LRP2: variants seen among roughly 807,000 people sequenced by gnomAD.
The protein encoded by LRP2 is low-density lipoprotein receptor-related protein 2.
A neutral mutation model predicts 531.0 loss-of-function variants in LRP2; 172 were observed. That is an observed-to-expected ratio of 0.32 (90% CI 0.29 to 0.37). LRP2 has a LOEUF of 0.37. Among genes scored for constraint, LRP2 ranks in the 10% least tolerant of loss-of-function variants. The probability of loss-of-function intolerance (pLI) is 1.00; values close to 1 mark genes in which losing one functional copy is unlikely to be tolerated. For synonymous variants in LRP2, 1,992 were observed against 2,027.6 expected, an observed-to-expected ratio of 0.98 and a Z score of 0.47; for missense variants, 5,167 against 5,868.3, an observed-to-expected ratio of 0.88 and a Z score of 3.90.
intron 5 of LRP2, 27 bp from the exon 6 acceptor site, chr2:169,294,288 G>T: frequency 7.5e-7 from 1 of 1,332,032 alleles, no homozygotes; most frequent in Non-Finnish European, 1.1e-6. Context: ...AGAAGGGAAA[G>T]AAAAGAGAGA....
intron 51 of LRP2, 115 bp downstream of exon 51, chr2:169,182,052 G>C: frequency 7.3e-7 from 1 of 1,374,524 alleles, no homozygotes; most frequent in South Asian, 1.2e-5. Context: ...AGGAAAAGCA[G>C]AAGACAAACC....
At chr2:169,263,367 A>G (rs1690651591) in intron 16 of LRP2, among the ~76,000 whole-genome samples, 1 of 152,006 alleles carries the variant, frequency 6.6e-6, no homozygotes, top group Non-Finnish European at 1.5e-5. Context: ...GCTAATATCC[A>G]GAATCTACAA....
chr2:169,151,699 A>C (rs534868392), intron 67 of LRP2, among the ~76,000 whole-genome samples: 2 of 152,312 alleles, frequency 1.3e-5, no homozygotes, highest in South Asian at 4.1e-4. Flanking sequence ...TCTCTTATTC[A>C]TTAAGGCTGA....
rs1040152767 is a variant in LRP2 at position 169,135,334 on chromosome 2, G to A, written c.13620+2058C>T. The stretch of plus-strand genomic sequence containing the variant: ...AATTGACTTTACTCACATGCCCCAA[G>A]TCAGGAAACTAAAATACCTCTTGGT... On this transcript the variant is annotated intron_variant, in intron 76 of 78. Transcript: ENST00000649046. Among the ~76,000 whole-genome samples the A allele has an allele frequency of 3.9e-5, 6 of 152,252 alleles. No homozygotes were observed. The East Asian group carries it at 9.6e-4, about 24-fold the overall frequency.
intron 8 of LRP2, 49 bp from the exon 9 acceptor site, chr2:169,289,194 G>A: frequency 1.9e-6 from 3 of 1,610,774 alleles, no homozygotes; most frequent in Non-Finnish European, 2.5e-6. Context: ...CTCTGGACAA[G>A]ACTGATTAAT....
chr2:169,155,717 A>G (rs1427027805), intron 65 of LRP2, among the ~76,000 whole-genome samples: 2 of 152,198 alleles, frequency 1.3e-5, no homozygotes, highest in Non-Finnish European at 2.9e-5. Context: ...ACTGGCATCA[A>G]CCTAAAACGT....
Position 169,154,550 on chromosome 2 carries a change from G to A in LRP2, c.12205C>T (p.Leu4069Phe). 1 of 1,613,386 alleles carries A rather than the reference G, an allele frequency of 6.2e-7. No individual in the cohort carries two copies. The highest frequency in any genetic ancestry group is 8.5e-7 in the Non-Finnish European group (1 of 1,179,430). Reference sequence around the variant, plus strand: ...TACTCTGAGAACCTCTCAGATGAGAGATTATATTTTCGAATTCGGACATTG... The same window carrying A: ...TACTCTGAGAACCTCTCAGATGAGAAATTATATTTTCGAATTCGGACATTG... Reference protein sequence around the residue: ...PDNVRIRKYNLSSERFSEYLQ... With the variant: ...PDNVRIRKYNFSSERFSEYLQ... Residue 4069 changes from leucine to phenylalanine, a missense_variant, in exon 66 of 79, where the codon CTC becomes TTC. Transcript: ENST00000649046.
chr2:169,161,091 A>G (rs1363485852), intron 63 of LRP2, among the ~76,000 whole-genome samples: 1 of 152,224 alleles, frequency 6.6e-6, no homozygotes, highest in Non-Finnish European at 1.5e-5. Context: ...TCCTGTGAGG[A>G]AACCAAAGAC....
intron 20 of LRP2, 49 bp downstream of exon 20, chr2:169,247,329 T>TA (rs767641816): frequency 6.2e-7 from 1 of 1,602,460 alleles, no homozygotes; most frequent in South Asian, 1.1e-5. Context: ...CTGTAACAAA[T>TA]AAATAAACCC....
chr2:169,299,960 A>G (rs1684245588), intron 4 of LRP2, among the ~76,000 whole-genome samples: 1 of 152,162 alleles, frequency 6.6e-6, no homozygotes, highest in Non-Finnish European at 1.5e-5. Flanking sequence ...CCTAGAAACC[A>G]GTTATTCTAC....
chr2:169,243,865 G>T (rs56377101), intron 22 of LRP2, among the ~76,000 whole-genome samples: 2 of 152,044 alleles, frequency 1.3e-5, no homozygotes, highest in Non-Finnish European at 2.9e-5. Flanking sequence ...AAGCAATGGA[G>T]CCCAATCAGG....
intron 3 of LRP2, among the ~76,000 whole-genome samples, chr2:169,313,978 C>T (rs1684689975): frequency 6.6e-6 from 1 of 152,170 alleles, no homozygotes; most frequent in Non-Finnish European, 1.5e-5. Context: ...ATCCGAGGCT[C>T]CCAGCCTACA....
chr2:169,242,940 G>C lies in LRP2; in HGVS notation c.3667+16C>G, dbSNP rs766703464. ...TGACCCCTTTGTCTGAAACATTCTG[G>C]GTATGTGTTACTTACGACAGCCTGC... On this transcript the variant is annotated intron_variant, in intron 24 of 78. Transcript: ENST00000649046. 6.4e-7 allele frequency: 1 copy of C among 1,565,358 alleles called. No homozygotes were observed. The highest frequency in any genetic ancestry group is 8.8e-7 in the Non-Finnish European group (1 of 1,136,336).
At chr2:169,141,293 A>T (rs1685710343) in intron 71 of LRP2, among the ~76,000 whole-genome samples, 1 of 152,170 alleles carries the variant, frequency 6.6e-6, no homozygotes, top group African/African-American at 2.4e-5. Context: ...TCTAAAGGAC[A>T]ATCCCCACTC....
Position 169,243,416 on chromosome 2 carries a change from A to C in LRP2, c.3537T>G (p.Asp1179Glu). ...DGDKDCVDGS[D>E]EVGCVLNCTA... ...CAATGCACTTACCACAACCAACCTC[A>C]TCAGATCCATCAACACAATCCTTGT... is the stretch of plus-strand genomic sequence containing the variant. Residue 1179 changes from aspartate (D) to glutamate (E), a missense_variant, in exon 23 of 79, where the codon GAT (aspartate) becomes GAG (glutamate). Transcript: ENST00000649046. 6.2e-7 allele frequency: 1 copy of C among 1,614,164 alleles called. No individual in the cohort carries two copies. The highest frequency in any genetic ancestry group is 8.5e-7 in the Non-Finnish European group (1 of 1,180,002).
At chr2:169,198,728 T>C in intron 45 of LRP2, 58 bp downstream of exon 45, 1 of 1,598,320 alleles carries the variant, frequency 6.3e-7, no homozygotes, top group Non-Finnish European at 8.6e-7. Flanking sequence ...TATCTTTGTA[T>C]TAGCTCACAA....
chr2:169,235,778 C>T (rs542749884), intron 29 of LRP2, 62 bp downstream of exon 29: 326 of 1,259,810 alleles, frequency 2.6e-4, no homozygotes, highest in Middle Eastern at 2.0e-3. Flanking sequence ...TTCTGATACT[C>T]GTCTGATTTC....
In LRP2 at chr2:169,233,572, T is replaced by C. The variant is rs1210224819; in HGVS notation, c.4937A>G (p.Tyr1646Cys). ...AGAGTCTTCAAAGAGAGTTAGGGCATAGGGGTGCCGTATAATCTGTGAGGC... is the reference window on the plus strand; with the variant it reads ...AGAGTCTTCAAAGAGAGTTAGGGCACAGGGGTGCCGTATAATCTGTGAGGC... ...IASDLIIRHP[Y>C]ALTLFEDSVY... is the part of the protein sequence containing the mutation. The change falls in exon 30 of 79, where the codon TAT becomes TGT. Residue 1646 changes from tyrosine to cysteine, a missense_variant. Physicochemically the swap from Tyr to Cys is radical, Grantham distance 194. Transcript: ENST00000649046. 1 of 1,614,098 alleles carries C rather than the reference T, an allele frequency of 6.2e-7. No individual in the cohort carries two copies. The highest frequency in any genetic ancestry group is 1.7e-5 in the Admixed American group (1 of 60,020).
intron 1 of LRP2, among the ~76,000 whole-genome samples, chr2:169,327,971 G>A (rs867719944): frequency 3.1e-5 from 3 of 96,992 alleles, no homozygotes; most frequent in Admixed American, 9.1e-5. Context: ...CGCCCCGTCC[G>A]GGAGGGAGGT....
Sources: gnomAD v4.1 joint callset for allele counts (sites outside exome capture counted in the v4.1 genomes callset) on GRCh38, gnomAD v4.1.1 for gene constraint, MANE v1.5 for transcripts, NCBI Gene and HGNC (gene_info 2026-07-23, HGNC 2026-07-21) for gene names.